Variants in TTC28 observed in about 807,000 individuals in gnomAD.
TTC28 encodes the protein tetratricopeptide repeat domain 28.
A neutral mutation model predicts 198.0 loss-of-function variants in TTC28; 61 were observed. The ratio of observed to expected loss-of-function variants is 0.31; its 90% CI spans 0.25 to 0.38. The LOEUF is 0.38. TTC28 is among the 10% of genes least tolerant of loss of function. The pLI is 1.00. For synonymous variants in TTC28, 1,171 were observed against 1,297.8 expected, an observed-to-expected ratio of 0.90 and a Z score of 2.10; for missense variants, 2,678 against 3,164.0, an observed-to-expected ratio of 0.85 and a Z score of 3.69.
intron 4 of TTC28, among the ~76,000 whole-genome samples, chr22:28,296,626 A>C (rs2044901731): frequency 1.3e-5 from 2 of 152,320 alleles, no homozygotes; most frequent in South Asian, 4.1e-4. Context: ...CTGCTGTTTG[A>C]GTCCTCATTG....
At chr22:27,983,939 C>T (rs1937114736) in intron 22 of TTC28, 88 bp from the exon 23 acceptor site, 1 of 1,331,788 alleles carries the variant, frequency 7.5e-7, no homozygotes, top group Non-Finnish European at 1.0e-6. Flanking sequence ...TCTTTATATG[C>T]ATAGAAGCTA....
chr22:28,487,820 A>G (rs945633515), intron 2 of TTC28, among the ~76,000 whole-genome samples: 3 of 152,220 alleles, frequency 2.0e-5, no homozygotes, highest in Admixed American at 6.5e-5. Flanking sequence ...TTTGGAAATG[A>G]CAAATTTAAT....
intron 2 of TTC28, among the ~76,000 whole-genome samples, chr22:28,525,328 T>C (rs566065162): frequency 2.6e-5 from 4 of 152,124 alleles, no homozygotes; most frequent in Non-Finnish European, 5.9e-5. Flanking sequence ...AACTTTTATA[T>C]TATTTTATGG....
At chr22:28,537,340 A>AACTAAACTAAACTAAACT (rs1601534517) in intron 2 of TTC28, among the ~76,000 whole-genome samples, 1 of 149,266 alleles carries the variant, frequency 6.7e-6, no homozygotes, top group East Asian at 2.0e-4. Flanking sequence ...AAATAAAATA[A>AACTAAACTAAACTAAACT]AAACAAGAAT....
At chr22:28,403,891 G>A (rs921506365) in intron 2 of TTC28, among the ~76,000 whole-genome samples, 1 of 152,132 alleles carries the variant, frequency 6.6e-6, no homozygotes, top group African/African-American at 2.4e-5. Context: ...GGCTAAGGAG[G>A]TCAGTCAGTG....
intron 2 of TTC28, among the ~76,000 whole-genome samples, chr22:28,374,596 T>G (rs773096743): frequency 6.6e-6 from 1 of 152,232 alleles, no homozygotes; most frequent in Non-Finnish European, 1.5e-5. Flanking sequence ...AGTTCATTGC[T>G]TCTCTTCTCT....
At chr22:28,043,999 C>T (rs1191517287) in intron 12 of TTC28, among the ~76,000 whole-genome samples, 1 of 152,174 alleles carries the variant, frequency 6.6e-6, no homozygotes, top group Non-Finnish European at 1.5e-5. Flanking sequence ...GTGGTACCGC[C>T]AGCACCGTCT....
intron 13 of TTC28, among the ~76,000 whole-genome samples, chr22:28,018,313 G>T (rs1038601914): frequency 1.3e-5 from 2 of 148,452 alleles, no homozygotes; most frequent in South Asian, 4.4e-4. Context: ...GCGCGGGGGG[G>T]GGGGCGGGGA....
chr22:28,230,447 C>T (rs1928714574), intron 5 of TTC28, among the ~76,000 whole-genome samples: 1 of 152,204 alleles, frequency 6.6e-6, no homozygotes, highest in African/African-American at 2.4e-5. Context: ...GTGACTACAA[C>T]ATAAGACTGA....
At chr22:28,184,624 T>G (rs957636041) in intron 5 of TTC28, among the ~76,000 whole-genome samples, 1 of 152,152 alleles carries the variant, frequency 6.6e-6, no homozygotes, top group Admixed American at 6.5e-5. Context: ...ATTATTATTT[T>G]TTGATTTGCT....
intron 2 of TTC28, among the ~76,000 whole-genome samples, chr22:28,447,878 T>C (rs2047725569): frequency 6.6e-6 from 1 of 152,250 alleles, no homozygotes. Flanking sequence ...CCCTGCTGTC[T>C]GGCTTTCGTT....
intron 5 of TTC28, among the ~76,000 whole-genome samples, chr22:28,166,418 T>C (rs1434054644): frequency 6.6e-6 from 1 of 152,180 alleles, no homozygotes; most frequent in Non-Finnish European, 1.5e-5. Context: ...GACCACATGG[T>C]TGGAAGTAAA....
At chr22:28,542,346 G>A (rs781327972) in intron 2 of TTC28, among the ~76,000 whole-genome samples, 6 of 151,940 alleles carry the variant, frequency 3.9e-5, no homozygotes, top group Non-Finnish European at 8.8e-5. Context: ...ATATATAATC[G>A]GAGCCACAGA....
chr22:28,397,072 T>G (rs1004365199), intron 2 of TTC28, among the ~76,000 whole-genome samples: 1 of 152,200 alleles, frequency 6.6e-6, no homozygotes, highest in African/African-American at 2.4e-5. Context: ...AATTTTCAAT[T>G]TAATGAATAT....
intron 5 of TTC28, among the ~76,000 whole-genome samples, chr22:28,216,503 G>A (rs181821525): frequency 1.2e-3 from 182 of 152,242 alleles, no homozygotes; most frequent in Non-Finnish European, 1.8e-3. Context: ...GTAAGGAATA[G>A]ATTGTGTTTA....
At chr22:28,586,836 C>G (rs373268104) in intron 2 of TTC28, among the ~76,000 whole-genome samples, 2 of 152,026 alleles carry the variant, frequency 1.3e-5, no homozygotes, top group Non-Finnish European at 2.9e-5. Context: ...GATATCTATA[C>G]AATTTTCAGC....
rs117034233 is a variant in TTC28, at chr22:28,465,100, T to C, written c.382-158457A>G. On this transcript the variant is annotated intron_variant, in intron 2 of 22. Coordinates refer to ENST00000397906, the MANE Select transcript of TTC28 (RefSeq NM_001145418.2). ...TAAAACATCATAGATTTACATTTTC[T>C]GGTTACTAACTTAGGTTTACAAACT... is the stretch of plus-strand genomic sequence containing the variant. Among the ~76,000 whole-genome samples, 490 of 152,366 alleles carry C rather than the reference T, an allele frequency of 3.2e-3. 8 individuals are homozygous for C. In the East Asian group the frequency reaches 0.05, roughly 16 times the overall value.
chr22:28,428,189 G>C (rs1036855469), intron 2 of TTC28, among the ~76,000 whole-genome samples: 4 of 150,946 alleles, frequency 2.6e-5, no homozygotes, highest in African/African-American at 9.7e-5. Context: ...CTAATCGGAG[G>C]TGAGTATGTA....
At chr22:28,019,438 C>T (rs1417235930) in intron 13 of TTC28, among the ~76,000 whole-genome samples, 1 of 152,198 alleles carries the variant, frequency 6.6e-6, no homozygotes, top group Non-Finnish European at 1.5e-5. Flanking sequence ...GTGGTGTAAT[C>T]TGCCCAGGAG....
Sources: allele counts gnomAD v4.1 joint callset (sites outside exome capture counted in the v4.1 genomes callset), GRCh38; gene constraint gnomAD v4.1.1; transcripts MANE v1.5; gene names NCBI Gene and HGNC (gene_info 2026-07-23, HGNC 2026-07-21).